Variants in AFF2 observed in about 807,000 individuals in gnomAD.
AFF2 encodes the protein AF4/FMR2 family member 2.
In AFF2, 14 loss-of-function variants were observed where a neutral mutation model predicts 76.9. That is an observed-to-expected ratio of 0.18 (90% CI 0.12 to 0.28). AFF2 has a LOEUF of 0.28. AFF2 is among the 10% of genes least tolerant of loss of function. AFF2 has a pLI of 1.00. For synonymous variants in AFF2, 398 were observed against 366.7 expected (o/e 1.09, Z -0.98); for missense variants, 868 against 1,001.1 (o/e 0.87, Z 1.79).
Position 148,885,948 on chromosome X carries a change from C to A in AFF2, c.1322C>A (p.Thr441Asn). 1.7e-6 allele frequency: 2 copies of A among 1,210,119 alleles called. No individual in the cohort carries two copies. The highest frequency in any genetic ancestry group is 1.1e-6 in the Non-Finnish European group (1 of 894,335). ...GAAGATGACCTTGAGCCTGTGAAGA[C>A]CTTGACCACTCAGTGCACTGCCACT... ...SDEDDLEPVK[T>N]LTTQCTATEL... The change falls in exon 8 of 21, where the codon ACC becomes AAC. Residue 441 changes from threonine to asparagine, a missense_variant. Transcript: ENST00000370460.
intron 9 of AFF2, among the ~76,000 whole-genome samples, chrX:148,945,090 C>T (rs2071884885): frequency 9.0e-6 from 1 of 111,254 alleles, no homozygotes; most frequent in Admixed American, 9.6e-5. Flanking sequence ...CCCACTACGG[C>T]CATGGATATA....
intron 1 of AFF2, among the ~76,000 whole-genome samples, chrX:148,549,072 C>T (rs1203099114): frequency 1.8e-5 from 2 of 111,954 alleles, no homozygotes; most frequent in Non-Finnish European, 3.8e-5. Context: ...ATCTAGGAAT[C>T]GGCCATTCTA....
At chrX:148,801,569 G>A (rs782417657) in intron 3 of AFF2, among the ~76,000 whole-genome samples, 1 of 111,705 alleles carries the variant, frequency 9.0e-6, no homozygotes, top group East Asian at 2.8e-4. Flanking sequence ...AATGGAAGAA[G>A]TGTACAGAAG....
intron 1 of AFF2, among the ~76,000 whole-genome samples, chrX:148,540,237 A>G (rs2124264641): frequency 9.0e-6 from 1 of 111,317 alleles, no homozygotes; most frequent in East Asian, 2.8e-4. Flanking sequence ...GCTGGTTCAT[A>G]TTTACATTGC....
intron 1 of AFF2, among the ~76,000 whole-genome samples, chrX:148,557,668 A>G (rs1160336609): frequency 4.4e-5 from 5 of 112,481 alleles, no homozygotes; most frequent in African/African-American, 1.6e-4. Flanking sequence ...TTAAATTTCT[A>G]ACTTTGGGGG....
intron 7 of AFF2, among the ~76,000 whole-genome samples, chrX:148,845,149 A>T (rs868913305): frequency 9.3e-6 from 1 of 107,422 alleles, no homozygotes; most frequent in Non-Finnish European, 1.9e-5. Context: ...ACACACGCAC[A>T]CTCACATGCA....
At chrX:148,635,983 G>C (rs2054026458) in intron 1 of AFF2, among the ~76,000 whole-genome samples, 1 of 109,990 alleles carries the variant, frequency 9.1e-6, no homozygotes, top group South Asian at 3.9e-4. Context: ...CTGTGTAAAA[G>C]CTACATATAT....
At chrX:148,986,471 A>C (rs782698952) in intron 19 of AFF2, among the ~76,000 whole-genome samples, 170 of 112,796 alleles carry the variant, frequency 1.5e-3, no homozygotes, top group African/African-American at 5.1e-3. Context: ...ATATTAAAGA[A>C]TATAATGAAA....
chrX:148,741,528 G>T (rs782537881), intron 3 of AFF2, among the ~76,000 whole-genome samples: 1 of 110,688 alleles, frequency 9.0e-6, no homozygotes, highest in South Asian at 3.9e-4. Context: ...GAGGAAGGGC[G>T]AGACGGACTT....
chrX:148,702,502 G>T (rs376029098), intron 3 of AFF2, among the ~76,000 whole-genome samples: 11 of 111,588 alleles, frequency 9.9e-5, no homozygotes, highest in East Asian at 5.6e-4. Flanking sequence ...TTTTCTTAAT[G>T]CTTTATCTGT....
At chrX:148,766,184 T>C (rs1557267710) in intron 3 of AFF2, among the ~76,000 whole-genome samples, 1 of 110,494 alleles carries the variant, frequency 9.1e-6, no homozygotes, top group Non-Finnish European at 1.9e-5. Context: ...TGTGTCTTTA[T>C]AGCAGCATGA....
chrX:148,766,460 G>C (rs781854124), intron 3 of AFF2, among the ~76,000 whole-genome samples: 49 of 108,775 alleles, frequency 4.5e-4, no homozygotes, highest in African/African-American at 1.5e-3. Flanking sequence ...GGCCAGTGAT[G>C]ATGAGCATTT....
intron 3 of AFF2, among the ~76,000 whole-genome samples, chrX:148,708,774 AT>A (rs782358894): frequency 8.9e-6 from 1 of 112,497 alleles, no homozygotes; most frequent in East Asian, 2.8e-4. Context: ...GGGTGGTAAG[AT>A]TCTATTTTGA....
chrX:148,622,631 G>T (rs1266746592), intron 1 of AFF2, among the ~76,000 whole-genome samples: 2 of 111,705 alleles, frequency 1.8e-5, no homozygotes, highest in Non-Finnish European at 3.8e-5. Flanking sequence ...CTCTATAGGT[G>T]CAGCGCTCAG....
intron 3 of AFF2, among the ~76,000 whole-genome samples, chrX:148,704,956 C>G (rs369456636): frequency 9.0e-6 from 1 of 111,075 alleles, no homozygotes; most frequent in Non-Finnish European, 1.9e-5. Context: ...CAAGAGCTAC[C>G]GTGCCCGGCC....
chrX:148,811,417 A>G (rs964575376), intron 4 of AFF2, among the ~76,000 whole-genome samples: 1 of 111,264 alleles, frequency 9.0e-6, no homozygotes, highest in Non-Finnish European at 1.9e-5. Context: ...TTGGGTGGAG[A>G]CGAGGCAGCT....
At chrX:148,719,007 C>A in intron 3 of AFF2, 1 of 925,097 alleles carries the variant, frequency 1.1e-6, no homozygotes, top group Non-Finnish European at 1.4e-6. Context: ...GAGATGATGT[C>A]ATAATTAGCT....
At chrX:148,825,596 T>TTC (rs1469493853) in intron 4 of AFF2, among the ~76,000 whole-genome samples, 1 of 108,772 alleles carries the variant, frequency 9.2e-6, no homozygotes, top group Non-Finnish European at 1.9e-5. Context: ...AGTAGTTTTT[T>TTC]TTTTTCATTT....
chrX:148,783,692 G>A (rs1267143460), intron 3 of AFF2, among the ~76,000 whole-genome samples: 2 of 111,575 alleles, frequency 1.8e-5, no homozygotes, highest in African/African-American at 6.5e-5. Flanking sequence ...GTCTCTAGAA[G>A]GAAGCATTGC....
Sources: allele counts gnomAD v4.1 joint callset (sites outside exome capture counted in the v4.1 genomes callset), GRCh38; gene constraint gnomAD v4.1.1; transcripts MANE v1.5; gene names NCBI Gene and HGNC (gene_info 2026-07-23, HGNC 2026-07-21).